Variants in CUL4B observed in about 807,000 individuals in gnomAD.
CUL4B encodes the protein cullin-4B.
Under a neutral mutation model 69.2 loss-of-function variants are expected in CUL4B, and 1 was observed. That is an observed-to-expected ratio of 0.01 (90% CI 0.01 to 0.07). CUL4B has a LOEUF of 0.07. Among genes scored for constraint, CUL4B ranks in the 10% least tolerant of loss-of-function variants. The pLI, the probability that CUL4B is intolerant of heterozygous loss-of-function variation, is 1.00. For missense variants in CUL4B, 328 were observed against 638.8 expected, an observed-to-expected ratio of 0.51 and a Z score of 5.24; for synonymous variants, 237 against 223.2, an observed-to-expected ratio of 1.06 and a Z score of -0.55.
upstream of CUL4B, among the ~76,000 whole-genome samples, chrX:120,563,587 T>C (rs1438722734): frequency 8.9e-6 from 1 of 112,187 alleles, no homozygotes; most frequent in Non-Finnish European, 1.9e-5. Flanking sequence ...CATTGAACTT[T>C]CCTTTATCGT....
Position 120,541,736 on chromosome X carries a change from T to C in CUL4B, c.1325-16A>G. On this transcript the variant is annotated splice_polypyrimidine_tract_variant and intron_variant, in intron 9 of 19. Coordinates refer to ENST00000371322, the MANE Select transcript of CUL4B (RefSeq NM_001079872.2). ...TTATTTAAACCTGTATTTTAAAACATTTTGGCATTAAAATATAGTGAACAA... is the reference window on the plus strand; with the variant it reads ...TTATTTAAACCTGTATTTTAAAACACTTTGGCATTAAAATATAGTGAACAA... 1 of 1,034,778 alleles carries C rather than the reference T, an allele frequency of 9.7e-7. No homozygotes were observed. The highest frequency in any genetic ancestry group is 1.9e-5 in the South Asian group (1 of 53,036). The allele number at this position is 1,034,778 out of a possible 1,213,427, so 85.3% of individuals were successfully genotyped here.
intron 2 of CUL4B, among the ~76,000 whole-genome samples, chrX:120,551,916 G>A (rs1390167224): frequency 1.8e-5 from 2 of 111,448 alleles, no homozygotes; most frequent in Non-Finnish European, 3.8e-5. Flanking sequence ...TGTTTACTAA[G>A]TACTCTTCAT....
chrX:120,534,609 T>C (rs771308556), intron 16 of CUL4B, 23 bp from the exon 17 acceptor site: 8 of 1,015,530 alleles, frequency 7.9e-6, no homozygotes, highest in South Asian at 1.9e-5. Flanking sequence ...TAAAAGTGTT[T>C]AGTCATCACT....
intron 14 of CUL4B, among the ~76,000 whole-genome samples, chrX:120,537,865 T>C (rs1441243324): frequency 8.9e-6 from 1 of 111,895 alleles, no homozygotes; most frequent in Non-Finnish European, 1.9e-5. Context: ...TTTCCCACTA[T>C]AGCTCTTCTT....
chrX:120,538,457 C>T, intron 13 of CUL4B: 1 of 419,064 alleles, frequency 2.4e-6, no homozygotes, highest in South Asian at 4.2e-5. Context: ...AATAATAAAA[C>T]CAAGAACAAT....
intron 14 of CUL4B, 99 bp downstream of exon 14, chrX:120,538,025 A>T (rs1285779853): frequency 1.6e-6 from 1 of 622,292 alleles, no homozygotes; most frequent in African/African-American, 2.2e-5. Context: ...ATGAATTACA[A>T]CAAACACGTT....
At position 120,540,969 on chromosome X, in the gene CUL4B, A is replaced by T. The variant is rs775784267; in HGVS notation, c.1444-407T>A. Among the ~76,000 whole-genome samples, 17 of 112,733 alleles carry T rather than the reference A, an allele frequency of 1.5e-4. 1 individual carries two copies. The highest frequency in any genetic ancestry group is 7.3e-4 in the South Asian group (2 of 2,758). ...TGGGATCTTTTCCTTATTTTTAAAG[A>T]AGTCAGCTTTCAACTTCCTTAAAAT... On this transcript the variant is annotated intron_variant, in intron 10 of 19. Coordinates refer to ENST00000371322, the MANE Select transcript of CUL4B (RefSeq NM_001079872.2).
chrX:120,526,417 T>G lies in CUL4B; in HGVS notation c.*344A>C. ...TTAAGCAAATAAACCTTTTGCTTCA[T>G]AATTAATGGTGTGTAAGAACCCTCC... On this transcript the variant is annotated 3_prime_UTR_variant, in exon 20 of 20. Coordinates refer to ENST00000371322, the MANE Select transcript of CUL4B (RefSeq NM_001079872.2). 5.4e-6 allele frequency: 1 copy of G among 185,029 alleles called. No individual in the cohort carries two copies. Among genetic ancestry groups the G allele is most frequent in the Non-Finnish European group, 1.0e-5 (1 of 98,300 alleles). 15.2% of individuals were successfully genotyped at this position (185,029 alleles called of 1,213,427 possible). A position where few individuals can be genotyped will look rare whatever the true frequency, so the allele number is the denominator to read the frequency against.
downstream of CUL4B, among the ~76,000 whole-genome samples, chrX:120,568,964 G>A (rs760569882): frequency 9.8e-5 from 11 of 111,983 alleles, no homozygotes; most frequent in African/African-American, 3.2e-4. Context: ...AGAAAAAAAT[G>A]AAGAATAAGA....
chrX:120,544,556 A>G lies in CUL4B; in HGVS notation c.1008T>C (p.Ile336=). The G allele has an allele frequency of 8.3e-7, 1 of 1,209,425 alleles. No homozygotes were observed. Among genetic ancestry groups the G allele is most frequent in the East Asian group, 3.0e-5 (1 of 33,813 alleles). The change falls in exon 6 of 20, where the codon ATT becomes ATC. Residue 336 remains isoleucine, a synonymous_variant. Coordinates refer to ENST00000371322, the MANE Select transcript of CUL4B (RefSeq NM_001079872.2). ...NKTIDGILLL[I]ERERNGEAID... is the part of the protein sequence containing the mutation. ...TTGCTTCACCATTCCTTTCCCTCTC[A>G]ATCAAGAGAAGAATGCCATCAATTG...
chrX:120,538,597 G>A, intron 13 of CUL4B, 63 bp downstream of exon 13: 2 of 763,551 alleles, frequency 2.6e-6, no homozygotes, highest in Non-Finnish European at 4.1e-6. Context: ...GATTGAAAGG[G>A]TAAAAAGCTA....
Position 120,559,999 on chromosome X carries a change from T to C in CUL4B, c.556+84A>G, listed in dbSNP as rs938584392. 13 of 1,204,491 alleles carry C rather than the reference T, an allele frequency of 1.1e-5. No homozygotes were observed. In the African/African-American group the frequency reaches 1.8e-4, roughly 16 times the overall value. On this transcript the variant is annotated intron_variant, in intron 1 of 19. Transcript: ENST00000371322. ...AAAACATTAGGCCACCTCCAAACTGTTTAATATATTAACATAAATAGAGCA... is the reference window on the plus strand; with the variant it reads ...AAAACATTAGGCCACCTCCAAACTGCTTAATATATTAACATAAATAGAGCA...
intron 10 of CUL4B, 37 bp downstream of exon 10, chrX:120,541,565 C>A (rs1169595828): frequency 1.1e-6 from 1 of 896,485 alleles, no homozygotes; most frequent in African/African-American, 2.0e-5. Flanking sequence ...TGTAGATAAG[C>A]CATAAGAGAG....
chrX:120,541,376 G>A (rs1923981216), intron 10 of CUL4B, among the ~76,000 whole-genome samples: 1 of 111,234 alleles, frequency 9.0e-6, no homozygotes, highest in Admixed American at 9.5e-5. Context: ...GTGCATGCCT[G>A]TAATCCTAGC....
upstream of CUL4B, among the ~76,000 whole-genome samples, chrX:120,562,093 A>G (rs977104306): frequency 1.8e-5 from 2 of 111,340 alleles, no homozygotes; most frequent in African/African-American, 6.6e-5. Context: ...ACCCAGCACT[A>G]TGCCCAGGAT....
chrX:120,542,443 G>A (rs180996085), intron 9 of CUL4B, among the ~76,000 whole-genome samples: 1 of 110,899 alleles, frequency 9.0e-6, no homozygotes, highest in East Asian at 2.8e-4. Flanking sequence ...ACCTATTTGC[G>A]GCATTCTCAA....
upstream of CUL4B, chrX:120,561,342 G>A (rs777670956): frequency 5.3e-6 from 3 of 562,131 alleles, no homozygotes; most frequent in African/African-American, 4.5e-5. Flanking sequence ...TAACGGTCCC[G>A]CGGGAAGCTT....
Position 120,560,946 on chromosome X carries a change from A to G in CUL4B, c.-308T>C, listed in dbSNP as rs1925261971. ...ATCTCTCTCCCCCCCTTTCTGCAGG[A>G]GCGACTCAGCGAGTCTGTGAGGCTG... On this transcript the variant is annotated 5_prime_UTR_variant, in exon 1 of 20. Coordinates refer to ENST00000371322, the MANE Select transcript of CUL4B (RefSeq NM_001079872.2). The G allele has an allele frequency of 1.3e-6, 1 of 751,933 alleles. No individual in the cohort carries two copies. The highest frequency in any genetic ancestry group is 1.6e-6 in the Non-Finnish European group (1 of 638,591). 62.0% of individuals were successfully genotyped at this position (751,933 alleles called of 1,213,427 possible).
chrX:120,533,971 CAGG>C (rs1401132061), intron 17 of CUL4B, among the ~76,000 whole-genome samples: 3 of 110,624 alleles, frequency 2.7e-5, no homozygotes, highest in African/African-American at 9.9e-5. Flanking sequence ...GAGGCAGAGG[CAGG>C]AGAATTGCTT....
Sources: gnomAD v4.1 joint callset for allele counts (sites outside exome capture counted in the v4.1 genomes callset) on GRCh38, gnomAD v4.1.1 for gene constraint, MANE v1.5 for transcripts, NCBI Gene and HGNC (gene_info 2026-07-23, HGNC 2026-07-21) for gene names.